Variants in PKIG observed in about 807,000 individuals in gnomAD.
PKIG encodes the protein protein kinase (cAMP-dependent, catalytic) inhibitor gamma.
In PKIG, 1 loss-of-function variant was observed where a neutral mutation model predicts 6.8. The ratio of observed to expected loss-of-function variants is 0.15; its 90% CI spans 0.05 to 0.69. The LOEUF is 0.69. PKIG is among the 30% of genes least tolerant of loss of function. The probability of loss-of-function intolerance (pLI) is 0.82; values close to 1 mark genes in which losing one functional copy is unlikely to be tolerated. For synonymous variants in PKIG, 39 were observed against 43.0 expected, an observed-to-expected ratio of 0.91 and a Z score of 0.36; for missense variants, 77 against 104.0, an observed-to-expected ratio of 0.74 and a Z score of 1.13.
Position 44,569,780 on chromosome 20 carries a change from G to A in PKIG, c.-240-12805G>A, listed in dbSNP as rs887617119. 3.9e-5 allele frequency among the ~76,000 whole-genome samples: 6 copies of A among 152,086 alleles called. No individual in the cohort carries two copies. In the East Asian group the frequency reaches 9.7e-4, roughly 25 times the overall value. On this transcript the variant is annotated intron_variant, in intron 1 of 4. Transcript: ENST00000372887. ...AGCCTTGCCATATCGCACACTCCCC[G>A]TGTAATCCTGCTGTCCAGAGATATA...
intron 2 of PKIG, among the ~76,000 whole-genome samples, chr20:44,607,122 A>AT (rs2065170072): frequency 6.6e-6 from 1 of 152,186 alleles, no homozygotes; most frequent in Non-Finnish European, 1.5e-5. Context: ...TTGAGGTGGC[A>AT]ATTCCACTTT....
intron 1 of PKIG, among the ~76,000 whole-genome samples, chr20:44,569,106 T>A (rs1289828833): frequency 1.3e-5 from 2 of 152,220 alleles, no homozygotes; most frequent in Non-Finnish European, 2.9e-5. Context: ...CCCCTACATT[T>A]TTAAGGATTT....
chr20:44,578,822 A>G (rs575065500), upstream of PKIG, among the ~76,000 whole-genome samples: 2 of 152,330 alleles, frequency 1.3e-5, no homozygotes, highest in Admixed American at 6.5e-5. Context: ...AGGGATAATA[A>G]TTATACCTAC....
intron 2 of PKIG, among the ~76,000 whole-genome samples, chr20:44,600,962 A>T (rs2065116770): frequency 6.6e-6 from 1 of 152,030 alleles, no homozygotes; most frequent in Non-Finnish European, 1.5e-5. Flanking sequence ...ACCAACATAG[A>T]TTATTTCGGG....
At chr20:44,616,452 T>G (rs1037662026) in intron 3 of PKIG, among the ~76,000 whole-genome samples, 6 of 152,148 alleles carry the variant, frequency 3.9e-5, no homozygotes, top group Admixed American at 2.0e-4. Flanking sequence ...CCCTGGGCTC[T>G]CTCTCAAGGC....
At chr20:44,555,902 G>C (rs1380880295) in intron 1 of PKIG, among the ~76,000 whole-genome samples, 5 of 152,122 alleles carry the variant, frequency 3.3e-5, no homozygotes. Context: ...GTGCAATGGC[G>C]TGATCTCTGC....
intron 2 of PKIG, chr20:44,598,962 G>A (rs1449438156): frequency 6.6e-6 from 1 of 152,202 alleles, no homozygotes; most frequent in African/African-American, 2.4e-5. Context: ...ATACCAAAGA[G>A]TAGAATGTGG....
intron 2 of PKIG, among the ~76,000 whole-genome samples, chr20:44,591,088 A>G (rs1388469165): frequency 1.3e-5 from 2 of 152,202 alleles, no homozygotes; most frequent in Admixed American, 1.3e-4. Context: ...GTAGACTAGT[A>G]GCAGTAGTCT....
intron 2 of PKIG, among the ~76,000 whole-genome samples, chr20:44,595,028 C>T (rs927457713): frequency 1.5e-4 from 23 of 152,174 alleles, no homozygotes; most frequent in African/African-American, 3.1e-4. Context: ...ATGCAGCAGT[C>T]GGCTCCCAGG....
chr20:44,569,466 C>T (rs1177652401), intron 1 of PKIG, among the ~76,000 whole-genome samples: 3 of 152,218 alleles, frequency 2.0e-5, no homozygotes, highest in Middle Eastern at 3.2e-3. Flanking sequence ...AAAATCCCCA[C>T]TTGCTTTAGC....
intron 1 of PKIG, among the ~76,000 whole-genome samples, chr20:44,568,964 T>G (rs2123280580): frequency 6.6e-6 from 1 of 152,322 alleles, no homozygotes; most frequent in African/African-American, 2.4e-5. Context: ...TGGTTTCTCT[T>G]GGATAGATTC....
chr20:44,539,922 C>T (rs1037548579), intron 1 of PKIG, among the ~76,000 whole-genome samples: 2 of 152,098 alleles, frequency 1.3e-5, no homozygotes, highest in African/African-American at 4.8e-5. Flanking sequence ...TATACAACTT[C>T]TCATATTCTG....
chr20:44,605,043 A>T (rs1215414712), intron 2 of PKIG, among the ~76,000 whole-genome samples: 1 of 152,200 alleles, frequency 6.6e-6, no homozygotes, highest in Non-Finnish European at 1.5e-5. Flanking sequence ...GATTTGAGCT[A>T]TGAGAAGGAA....
At chr20:44,544,203 G>A (rs2064589689) in intron 1 of PKIG, among the ~76,000 whole-genome samples, 1 of 152,148 alleles carries the variant, frequency 6.6e-6, no homozygotes, top group African/African-American at 2.4e-5. Context: ...AGGGCAATGT[G>A]ATGCCCTGAT....
chr20:44,612,612 A>G (rs2065229511), intron 2 of PKIG, among the ~76,000 whole-genome samples: 1 of 152,220 alleles, frequency 6.6e-6, no homozygotes. Flanking sequence ...TGTTGCCAAG[A>G]GTACATAAAT....
intron 3 of PKIG, among the ~76,000 whole-genome samples, chr20:44,617,538 G>A (rs1338756841): frequency 1.3e-5 from 2 of 152,090 alleles, no homozygotes; most frequent in Admixed American, 6.5e-5. Context: ...TGAAAGTGAG[G>A]AGACTTGGCT....
At chr20:44,597,749 A>G (rs2065087260) in intron 2 of PKIG, among the ~76,000 whole-genome samples, 1 of 152,176 alleles carries the variant, frequency 6.6e-6, no homozygotes, top group African/African-American at 2.4e-5. Flanking sequence ...GCCGAGGCTC[A>G]GCTACACAGC....
At chr20:44,579,143 C>T (rs191524004), upstream of PKIG, among the ~76,000 whole-genome samples, 4 of 152,242 alleles carry the variant, frequency 2.6e-5, no homozygotes, top group African/African-American at 9.6e-5. Context: ...CTATATTAGA[C>T]ACAGATCTTT....
In PKIG at chr20:44,614,074, C is replaced by T. The variant is rs372950445; in HGVS notation, c.-23-460C>T. Among the ~76,000 whole-genome samples, 2 of 152,120 alleles carry T rather than the reference C, an allele frequency of 1.3e-5. No homozygotes were observed. Among genetic ancestry groups the T allele is most frequent in the South Asian group, 4.1e-4 (2 of 4,826 alleles). Reference sequence around the variant, plus strand: ...CTCAGCTAAAATGTCACTTTGTGACCCCCAGCCTTGATCAGGTCCCAGTGA... The same window carrying T: ...CTCAGCTAAAATGTCACTTTGTGACTCCCAGCCTTGATCAGGTCCCAGTGA... On this transcript the variant is annotated intron_variant, in intron 2 of 3. Coordinates refer to ENST00000372886, the MANE Select transcript of PKIG (RefSeq NM_001281445.2). The surrounding 1 kb of genome is among the most constrained non-coding windows in gnomAD (Gnocchi z 4.6).
Sources: allele counts gnomAD v4.1 joint callset (sites outside exome capture counted in the v4.1 genomes callset), GRCh38; gene constraint gnomAD v4.1.1; non-coding constraint Gnocchi (gnomAD v3.1); transcripts MANE v1.5; gene names NCBI Gene and HGNC (gene_info 2026-07-23, HGNC 2026-07-21).